The following SDHAF4 variants were observed in gnomAD, a reference collection of about 807,000 sequenced individuals.
The protein encoded by SDHAF4 is succinate dehydrogenase complex assembly factor 4.
In SDHAF4, 14 loss-of-function variants were observed where a neutral mutation model predicts 14.3. The observed-to-expected ratio is 0.98, with a 90% confidence interval of 0.65 to 1.53. The LOEUF (loss-of-function observed/expected upper bound fraction) is 1.53, where lower values mean the gene tolerates loss of function less well. Among genes scored for constraint, SDHAF4 ranks in the 40% most tolerant of loss-of-function variants. The pLI is 0.00. For synonymous variants in SDHAF4, 63 were observed against 47.3 expected (o/e 1.33, Z -1.36); for missense variants, 141 against 129.3 (o/e 1.09, Z -0.44).
rs145694030 is a variant in SDHAF4, at chr6:70,578,038, G to A, written c.65-1376G>A. On this transcript the variant is annotated intron_variant, in intron 1 of 2. Coordinates refer to ENST00000370474, the MANE Select transcript of SDHAF4 (RefSeq NM_145267.3). The stretch of plus-strand genomic sequence containing the variant: ...ATAGTGCTGCAGTGAACATGCAAGC[G>A]CATGTGTCTTTCTGGTGTGAAAAAT... Among the ~76,000 whole-genome samples, 155 of 152,304 alleles carry A rather than the reference G, an allele frequency of 1.0e-3. 2 individuals are homozygous for A. The East Asian group carries it at 0.01, about 10-fold the overall frequency.
the SDHAF4 span, among the ~76,000 whole-genome samples, chr6:70,597,299 A>AT: frequency 0.077 from 8,282 of 107,972 alleles, 1,066 homozygotes; most frequent in African/African-American, 0.27. Flanking sequence ...CGCCTGGCTA[A>AT]TTTTTTTTTT....
chr6:70,577,514 G>T (rs939569496), intron 1 of SDHAF4, among the ~76,000 whole-genome samples: 16 of 152,270 alleles, frequency 1.1e-4, no homozygotes, highest in African/African-American at 3.9e-4. Flanking sequence ...AAACTAGAGA[G>T]AAAATGATGT....
the SDHAF4 span, among the ~76,000 whole-genome samples, chr6:70,596,286 G>A: frequency 6.6e-6 from 1 of 152,162 alleles, no homozygotes; most frequent in Non-Finnish European, 1.5e-5. Context: ...AGTGAGAATG[G>A]CAGGACTATT....
intron 1 of SDHAF4, among the ~76,000 whole-genome samples, chr6:70,579,203 T>G (rs1305629971): frequency 1.3e-5 from 2 of 152,264 alleles, no homozygotes; most frequent in Non-Finnish European, 2.9e-5. Context: ...TTAACTAATT[T>G]ATTTCATAGC....
At chr6:70,577,621 G>A (rs1802273191) in intron 1 of SDHAF4, among the ~76,000 whole-genome samples, 1 of 152,150 alleles carries the variant, frequency 6.6e-6, no homozygotes, top group Admixed American at 6.5e-5. Flanking sequence ...GGGTATATGT[G>A]TGATGCTGAG....
At chr6:70,577,128 C>A (rs1194533593) in intron 1 of SDHAF4, among the ~76,000 whole-genome samples, 1 of 152,142 alleles carries the variant, frequency 6.6e-6, no homozygotes, top group East Asian at 1.9e-4. Context: ...GTCTTCCAAC[C>A]CTGTCTTCCC....
At chr6:70,593,505 C>G (rs894472729), downstream of SDHAF4, among the ~76,000 whole-genome samples, 2 of 152,182 alleles carry the variant, frequency 1.3e-5, no homozygotes, top group African/African-American at 2.4e-5. Context: ...TACCAGTATG[C>G]AACACCAGCC....
At position 70,566,991 on chromosome 6, in the gene SDHAF4, G is replaced by A. The variant is rs112697907; in HGVS notation, c.51G>A (p.Ala17=). 1.6e-3 allele frequency: 2,548 copies of A among 1,589,562 alleles called. 43 individuals are homozygous for A. In the African/African-American group the frequency reaches 0.031, roughly 19 times the overall value. The change falls in exon 1 of 3, where the codon GCG becomes GCA. Residue 17 remains alanine, a synonymous_variant. Coordinates refer to ENST00000370474, the MANE Select transcript of SDHAF4 (RefSeq NM_145267.3). ...PWLLSWVSAT[A]WRAARSPLLC... ...TGCTTAGCTGGGTCTCGGCCACGGC[G>A]TGGAGAGCGGCAAGTAAGCACCTGG...
chr6:70,569,139 T>C (rs1802145814), intron 1 of SDHAF4, among the ~76,000 whole-genome samples: 2 of 149,280 alleles, frequency 1.3e-5, no homozygotes, highest in Admixed American at 6.7e-5. Flanking sequence ...CTAATTTTTG[T>C]ATTTTTAGTA....
intron 1 of SDHAF4, chr6:70,567,665 AATTTT>A (rs918697634): frequency 7.2e-6 from 1 of 138,180 alleles, no homozygotes; most frequent in African/African-American, 2.7e-5. Context: ...TGCAAAACAT[AATTTT>A]ATTTATTTAT....
intron 1 of SDHAF4, among the ~76,000 whole-genome samples, chr6:70,574,343 A>G (rs989068948): frequency 1.3e-5 from 2 of 150,620 alleles, no homozygotes; most frequent in Middle Eastern, 3.2e-3. Flanking sequence ...AAAAAAAAAG[A>G]TGCTTAGGGA....
At chr6:70,575,417 C>T (rs545261021) in intron 1 of SDHAF4, among the ~76,000 whole-genome samples, 3 of 150,184 alleles carry the variant, frequency 2.0e-5, no homozygotes, top group African/African-American at 4.9e-5. Context: ...GGTGAAATCC[C>T]GTGTCTACTG....
chr6:70,592,763 A>C (rs569134432), downstream of SDHAF4, among the ~76,000 whole-genome samples: 23 of 152,384 alleles, frequency 1.5e-4, no homozygotes, highest in African/African-American at 5.0e-4. Flanking sequence ...CAAAGCAGAA[A>C]GATTTGGGAA....
At chr6:70,592,068 G>A (rs1443257328), downstream of SDHAF4, among the ~76,000 whole-genome samples, 2 of 152,372 alleles carry the variant, frequency 1.3e-5, no homozygotes, top group East Asian at 3.9e-4. Context: ...TCTGCAGAGA[G>A]CTTTCACTAG....
the SDHAF4 span, among the ~76,000 whole-genome samples, chr6:70,595,133 T>A: frequency 6.6e-6 from 1 of 152,108 alleles, no homozygotes; most frequent in East Asian, 1.9e-4. Context: ...AGATCTGGAA[T>A]AATGGAAGGA....
intron 1 of SDHAF4, among the ~76,000 whole-genome samples, chr6:70,574,233 T>A (rs1802221768): frequency 6.6e-6 from 1 of 151,554 alleles, no homozygotes; most frequent in Admixed American, 6.6e-5. Flanking sequence ...GGCAGGAGAA[T>A]CGCTTGATCC....
At chr6:70,575,886 ATGT>A (rs1304314151) in intron 1 of SDHAF4, among the ~76,000 whole-genome samples, 1 of 151,544 alleles carries the variant, frequency 6.6e-6, no homozygotes, top group Non-Finnish European at 1.5e-5. Context: ...TTATTTCATG[ATGT>A]TGTTAAAAGA....
chr6:70,574,817 G>T (rs921263204), intron 1 of SDHAF4, among the ~76,000 whole-genome samples: 3 of 152,050 alleles, frequency 2.0e-5, no homozygotes, highest in Admixed American at 1.3e-4. Flanking sequence ...AGTCCCAGCT[G>T]CTGAGGAGGC....
chr6:70,595,459 C>T, the SDHAF4 span, among the ~76,000 whole-genome samples: 1 of 152,220 alleles, frequency 6.6e-6, no homozygotes, highest in Admixed American at 6.5e-5. Flanking sequence ...AGTCAACATT[C>T]ATTCTTCTAG....
Sources: allele counts gnomAD v4.1 joint callset (sites outside exome capture counted in the v4.1 genomes callset), GRCh38; gene constraint gnomAD v4.1.1; transcripts MANE v1.5; gene names NCBI Gene and HGNC (gene_info 2026-07-23, HGNC 2026-07-21).